Variants in VAPB observed in about 807,000 individuals in gnomAD.
The protein encoded by VAPB is VAMP associated protein B and C, also known as vesicle-associated membrane protein-associated protein B/C.
Under a neutral mutation model 25.6 loss-of-function variants are expected in VAPB, and 7 were observed. The observed-to-expected ratio is 0.27, with a 90% CI of 0.16 to 0.51. The LOEUF is 0.51. Ranked by LOEUF, VAPB falls within the 20% of genes least tolerant of loss-of-function variation. VAPB has a pLI of 0.97. For missense variants in VAPB, 266 were observed against 301.3 expected (o/e 0.88, Z 0.87); for synonymous variants, 112 against 109.2 (o/e 1.03, Z -0.16).
Position 58,444,175 on chromosome 20 carries a change from C to T in VAPB, c.672C>T (p.Leu224=), listed in dbSNP as rs1352137271. ...AGGAAGAAGGCCTTAGCACCCGGCT[C>T]TTGGCTCTGGTGGTTTTGTTCTTTA... ...TGKEEGLSTR[L]LALVVLFFIV... is the part of the protein sequence containing the mutation. Residue 224 remains leucine (L), a synonymous_variant, in exon 6 of 6, where the codon CTC becomes CTT. Transcript: ENST00000475243. 1 of 1,614,056 alleles carries T rather than the reference C, an allele frequency of 6.2e-7. No homozygotes were observed. Among genetic ancestry groups the T allele is most frequent in the Non-Finnish European group, 8.5e-7 (1 of 1,180,044 alleles).
At chr20:58,409,021 C>T (rs1988307894) in intron 1 of VAPB, among the ~76,000 whole-genome samples, 1 of 151,764 alleles carries the variant, frequency 6.6e-6, no homozygotes, top group Non-Finnish European at 1.5e-5. Context: ...ATTTATTCAC[C>T]CAGAGCCTGG....
At chr20:58,415,105 T>C (rs894609916) in intron 1 of VAPB, among the ~76,000 whole-genome samples, 2 of 133,688 alleles carry the variant, frequency 1.5e-5, no homozygotes, top group Admixed American at 1.4e-4. Context: ...TCGCAGGCAC[T>C]CTGTATTTGC....
intron 1 of VAPB, among the ~76,000 whole-genome samples, chr20:58,399,112 C>G (rs1332303704): frequency 1.3e-5 from 2 of 151,678 alleles, no homozygotes; most frequent in Non-Finnish European, 2.9e-5. Context: ...ACCAGCGTGA[C>G]CAACATAGTG....
chr20:58,435,970 C>T (rs1203283750), intron 3 of VAPB, among the ~76,000 whole-genome samples: 2 of 152,076 alleles, frequency 1.3e-5, no homozygotes, highest in Non-Finnish European at 2.9e-5. Flanking sequence ...CTTTTACTGA[C>T]GTTGTGGCTG....
intron 1 of VAPB, among the ~76,000 whole-genome samples, chr20:58,408,952 G>A (rs1336541534): frequency 2.5e-5 from 3 of 119,530 alleles, no homozygotes; most frequent in Non-Finnish European, 3.2e-5. Flanking sequence ...AACAAAATAT[G>A]TCCTATGCAG....
At chr20:58,397,473 C>G (rs1216413976) in intron 1 of VAPB, among the ~76,000 whole-genome samples, 1 of 151,750 alleles carries the variant, frequency 6.6e-6, no homozygotes, top group Non-Finnish European at 1.5e-5. Flanking sequence ...GAGCCGAGAT[C>G]CCGCCATCGC....
intron 2 of VAPB, among the ~76,000 whole-genome samples, chr20:58,423,446 A>AAAAAG (rs1568711839): frequency 6.9e-6 from 1 of 145,320 alleles, no homozygotes; most frequent in African/African-American, 2.6e-5. Flanking sequence ...AAAAAAAAAA[A>AAAAAG]AAAGAAAAGA....
rs143623641 is a variant in VAPB, at chr20:58,398,397, T to C, written c.58+8880T>C. On this transcript the variant is annotated intron_variant, in intron 1 of 5. Coordinates refer to ENST00000475243, the MANE Select transcript of VAPB (RefSeq NM_004738.5). ...TGCAGATCCTTTGAGGTTTTCTTTATAGACAGATGACTCCTTCTGGGGGAA... is the reference window on the plus strand; with the variant it reads ...TGCAGATCCTTTGAGGTTTTCTTTACAGACAGATGACTCCTTCTGGGGGAA... Among the ~76,000 whole-genome samples the C allele has an allele frequency of 6.6e-5, 10 of 152,352 alleles. No individual in the cohort carries two copies. In the East Asian group the frequency reaches 1.2e-3, roughly 18 times the overall value.
chr20:58,421,004 G>T (rs1988656043), intron 2 of VAPB, among the ~76,000 whole-genome samples: 2 of 152,154 alleles, frequency 1.3e-5, no homozygotes, highest in South Asian at 4.1e-4. Flanking sequence ...CAGTCGACAG[G>T]CAGTGCAGAT....
chr20:58,426,871 T>C (rs1454562036), intron 2 of VAPB, among the ~76,000 whole-genome samples: 1 of 152,180 alleles, frequency 6.6e-6, no homozygotes, highest in Non-Finnish European at 1.5e-5. Flanking sequence ...GAAGATAAGA[T>C]TGTGAGATTA....
intron 1 of VAPB, among the ~76,000 whole-genome samples, chr20:58,398,885 T>C (rs943511335): frequency 6.6e-6 from 1 of 151,656 alleles, no homozygotes; most frequent in African/African-American, 2.4e-5. Context: ...TCATGCTGGC[T>C]GTGTTTCTTC....
At chr20:58,427,378 G>A (rs1988818257) in intron 2 of VAPB, among the ~76,000 whole-genome samples, 2 of 147,488 alleles carry the variant, frequency 1.4e-5, no homozygotes. Flanking sequence ...AAGGTGGTCC[G>A]TGATCTGTTA....
At chr20:58,391,320 C>T (rs765788091) in intron 1 of VAPB, among the ~76,000 whole-genome samples, 5 of 152,176 alleles carry the variant, frequency 3.3e-5, no homozygotes, top group African/African-American at 4.8e-5. Context: ...ATGAGAATAA[C>T]AGCCAGGACA....
At chr20:58,413,670 C>T (rs1988439929) in intron 1 of VAPB, among the ~76,000 whole-genome samples, 1 of 151,930 alleles carries the variant, frequency 6.6e-6, no homozygotes, top group African/African-American at 2.4e-5. Flanking sequence ...GCACACCTCC[C>T]AGACGGGGTG....
chr20:58,428,804 G>T (rs1471082504), intron 2 of VAPB, among the ~76,000 whole-genome samples: 1 of 152,194 alleles, frequency 6.6e-6, no homozygotes, highest in Non-Finnish European at 1.5e-5. Flanking sequence ...AATTGAATTT[G>T]ACATGAGATG....
chr20:58,435,405 C>T (rs2300760), intron 3 of VAPB, among the ~76,000 whole-genome samples: 12,576 of 152,232 alleles, frequency 0.083, 760 homozygotes, highest in East Asian at 0.26. Flanking sequence ...CAACCCACAG[C>T]CCCAGCAGGG....
At chr20:58,419,896 T>C (rs1026342238) in intron 2 of VAPB, among the ~76,000 whole-genome samples, 3 of 152,278 alleles carry the variant, frequency 2.0e-5, no homozygotes, top group African/African-American at 7.2e-5. Flanking sequence ...GTTTTCTGAA[T>C]AAAAGAATCT....
At chr20:58,423,496 T>C (rs1988720548) in intron 2 of VAPB, among the ~76,000 whole-genome samples, 1 of 143,222 alleles carries the variant, frequency 7.0e-6, no homozygotes, top group African/African-American at 2.6e-5. Context: ...TCTTCTTGGA[T>C]GAAAACATTG....
chr20:58,442,238 T>A (rs1487507810), intron 5 of VAPB, among the ~76,000 whole-genome samples: 2 of 152,220 alleles, frequency 1.3e-5, no homozygotes, highest in African/African-American at 4.8e-5. Flanking sequence ...TGGCATCATC[T>A]TCTTCCTTTG....
Sources: allele counts gnomAD v4.1 joint callset (sites outside exome capture counted in the v4.1 genomes callset), GRCh38; gene constraint gnomAD v4.1.1; transcripts MANE v1.5; gene names NCBI Gene and HGNC (gene_info 2026-07-23, HGNC 2026-07-21).